Variants in PLCB2 observed in about 807,000 individuals in gnomAD.
PLCB2 encodes the protein phospholipase C beta 2.
Under a neutral mutation model 141.7 loss-of-function variants are expected in PLCB2, and 115 were observed. The ratio of observed to expected loss-of-function variants is 0.81; its 90% CI spans 0.70 to 0.95. The LOEUF (loss-of-function observed/expected upper bound fraction) is 0.95, where lower values mean the gene tolerates loss of function less well. PLCB2 is among the 40% of genes least tolerant of loss of function. The probability of loss-of-function intolerance (pLI) is 0.00; values close to 1 mark genes in which losing one functional copy is unlikely to be tolerated. For synonymous variants in PLCB2, 603 were observed against 595.6 expected, an observed-to-expected ratio of 1.01 and a Z score of -0.18; for missense variants, 1,403 against 1,541.1, an observed-to-expected ratio of 0.91 and a Z score of 1.50.
Position 40,291,652 on chromosome 15 carries a change from T to G in PLCB2, c.2603-2A>C, listed in dbSNP as rs2039936987. ...CTTCCCTGGCCCCGGCCCTGGCTGCTGCAAGAGCCACGGGCTGGGCTGTCA... is the reference window on the plus strand; with the variant it reads ...CTTCCCTGGCCCCGGCCCTGGCTGCGGCAAGAGCCACGGGCTGGGCTGTCA... On this transcript the variant is annotated splice_acceptor_variant, in intron 24 of 31. Coordinates refer to ENST00000260402, the MANE Select transcript of PLCB2 (RefSeq NM_004573.3). LOFTEE classifies it high-confidence loss of function. 2.5e-6 allele frequency: 4 copies of G among 1,612,990 alleles called. No individual in the cohort carries two copies. The African/African-American group carries it at 5.3e-5, about 21-fold the overall frequency.
In PLCB2 at chr15:40,289,185, T is replaced by G; in HGVS notation, c.3354+87A>C. 2.4e-6 allele frequency: 3 copies of G among 1,233,136 alleles called. No individual in the cohort carries two copies. The South Asian group carries it at 3.7e-5, about 15-fold the overall frequency. 76.4% of individuals were successfully genotyped at this position (1,233,136 alleles called of 1,614,324 possible). A position where few individuals can be genotyped will look rare whatever the true frequency, so the allele number is the denominator to read the frequency against. The stretch of plus-strand genomic sequence containing the variant: ...GGATGATGGCCCCCTTCCCCTACCC[T>G]CTCACTGGCAGCTCCCTGGGGCAAG... On this transcript the variant is annotated intron_variant, in intron 31 of 31. Coordinates refer to ENST00000260402, the MANE Select transcript of PLCB2 (RefSeq NM_004573.3).
At position 40,288,445 on chromosome 15, in the gene PLCB2, A is replaced by G; in HGVS notation, c.*270T>C. ...TCCAGTCCATAGTCTTTTGCCCTCA[A>G]CAAATATATGACACTTATCTAGAGA... On this transcript the variant is annotated 3_prime_UTR_variant, in exon 32 of 32. Coordinates refer to ENST00000260402, the MANE Select transcript of PLCB2 (RefSeq NM_004573.3). The G allele has an allele frequency of 8.3e-7, 1 of 1,210,276 alleles. No individual in the cohort carries two copies. The highest frequency in any genetic ancestry group is 1.0e-6 in the Non-Finnish European group (1 of 971,968). 75.0% of individuals were successfully genotyped at this position (1,210,276 alleles called of 1,614,324 possible). A position where few individuals can be genotyped will look rare whatever the true frequency, so the allele number is the denominator to read the frequency against.
chr15:40,296,475 T>G, intron 15 of PLCB2, 47 bp downstream of exon 15: 1 of 1,613,558 alleles, frequency 6.2e-7, no homozygotes, highest in Non-Finnish European at 8.5e-7. Flanking sequence ...CCAGGGGGCT[T>G]AACGGTGGAG....
chr15:40,294,759 G>A (rs763623528), intron 18 of PLCB2, among the ~76,000 whole-genome samples, 177 bp downstream of exon 18: 9 of 152,166 alleles, frequency 5.9e-5, no homozygotes, highest in African/African-American at 1.2e-4. Context: ...GTATGCGCAG[G>A]CACATGGGCA....
chr15:40,293,602 G>A lies in PLCB2; in HGVS notation c.2184C>T (p.Ser728=). The change falls in exon 20 of 32, where the codon TCC becomes TCT. Residue 728 remains serine, a synonymous_variant. Coordinates refer to ENST00000260402, the MANE Select transcript of PLCB2 (RefSeq NM_004573.3). The part of the protein sequence containing the change: ...YRTKLSPSTN[S]INPVWKEEPF... ...GCTCCTCCTTCCAGACAGGATTGAT[G>A]GAGTTAGTACTGGGTGACAGCTTAG... The A allele has an allele frequency of 5.0e-6, 8 of 1,614,122 alleles. No homozygotes were observed. Among genetic ancestry groups the A allele is most frequent in the Non-Finnish European group, 6.8e-6 (8 of 1,179,990 alleles).
At chr15:40,294,167 A>T in intron 19 of PLCB2, 99 bp downstream of exon 19, 1 of 1,213,262 alleles carries the variant, frequency 8.2e-7, no homozygotes, top group Admixed American at 1.8e-5. Context: ...TTTCCAGGAT[A>T]TCAGGGGAGG....
rs1295710069 is a variant in PLCB2, at chr15:40,299,184, C to G, written c.627G>C (p.Lys209Asn). The G allele has an allele frequency of 1.2e-6, 2 of 1,614,028 alleles. No homozygotes were observed. Among genetic ancestry groups the G allele is most frequent in the Non-Finnish European group, 1.7e-6 (2 of 1,179,868 alleles). Reference sequence around the variant, plus strand: ...GAGGACAGAGGCTCATGAGGAAACTCTTGTAGACAGGTTCTGGGAAGTCCT... The same window carrying G: ...GAGGACAGAGGCTCATGAGGAAACTGTTGTAGACAGGTTCTGGGAAGTCCT... ...NPEDFPEPVY[K>N]SFLMSLCPRP... is the part of the protein sequence containing the mutation. Residue 209 changes from lysine to asparagine, a missense_variant, in exon 8 of 32, where the codon AAG becomes AAC. Physicochemically the swap from Lys to Asn is moderately conservative, Grantham distance 94 (BLOSUM62 0). Transcript: ENST00000260402.
At chr15:40,292,295 G>A in intron 22 of PLCB2, 44 bp downstream of exon 22, 1 of 1,532,070 alleles carries the variant, frequency 6.5e-7, no homozygotes. Context: ...GGAAGGAAGG[G>A]GGAACAGACA....
chr15:40,287,486 C>T (rs2141014671), downstream of PLCB2, among the ~76,000 whole-genome samples: 1 of 152,308 alleles, frequency 6.6e-6, no homozygotes, highest in Admixed American at 6.5e-5. Flanking sequence ...CAAGCCCCTC[C>T]ACAGCAAGTT....
chr15:40,306,592 G>A (rs1015870890), intron 1 of PLCB2, among the ~76,000 whole-genome samples: 3 of 152,112 alleles, frequency 2.0e-5, no homozygotes, highest in African/African-American at 4.8e-5. Flanking sequence ...AGGGAAGCAG[G>A]AAGCATCTCA....
intron 3 of PLCB2, among the ~76,000 whole-genome samples, chr15:40,302,909 A>G (rs2040593872): frequency 6.6e-6 from 1 of 152,228 alleles, no homozygotes; most frequent in Non-Finnish European, 1.5e-5. Context: ...TCCCAGTCTC[A>G]GGAAACCCCG....
chr15:40,290,502 G>T, intron 29 of PLCB2, 75 bp downstream of exon 29: 17 of 1,036,168 alleles, frequency 1.6e-5, no homozygotes, highest in Non-Finnish European at 2.6e-5. Context: ...AGTGAGTCAG[G>T]ATCCATTTGT....
At chr15:40,306,656 G>A (rs2040812417) in intron 1 of PLCB2, among the ~76,000 whole-genome samples, 1 of 152,114 alleles carries the variant, frequency 6.6e-6, no homozygotes, top group Non-Finnish European at 1.5e-5. Flanking sequence ...GCCTAGCCCA[G>A]CCCCGAAGGG....
rs267604176 is a variant in PLCB2 at position 40,297,556 on chromosome 15, C to T, written c.1288G>A (p.Asp430Asn). ...MAEYCRTIFG[D>N]MLLTEPLEKF... is the part of the protein sequence containing the mutation. ...TCCAGGGGCTCTGTGAGCAGCATATCCCCAAAGATCGTCCGGCAATACTCA... is the reference window on the plus strand; with the variant it reads ...TCCAGGGGCTCTGTGAGCAGCATATTCCCAAAGATCGTCCGGCAATACTCA... The change falls in exon 13 of 32, where the codon GAT becomes AAT. Residue 430 changes from aspartate to asparagine, a missense_variant. Physicochemically the swap from Asp to Asn is conservative, Grantham distance 23. This residue lies in a region of PLCB2 where 975 missense variants were observed against 1,141.1 expected (regional missense o/e 0.85). Transcript: ENST00000260402. The surrounding 1 kb of genome is among the most constrained non-coding windows in gnomAD (Gnocchi z 4.2). The T allele has an allele frequency of 8.1e-6, 13 of 1,614,148 alleles. No individual in the cohort carries two copies. In the Admixed American group the frequency reaches 1.8e-4, roughly 23 times the overall value.
In PLCB2 at chr15:40,291,054, C is replaced by A. The variant is rs1430753013; in HGVS notation, c.3000G>T (p.Glu1000Asp). 1.3e-6 allele frequency: 2 copies of A among 1,593,156 alleles called. No homozygotes were observed. Among genetic ancestry groups the A allele is most frequent in the Non-Finnish European group, 1.7e-6 (2 of 1,177,370 alleles). Residue 1000 changes from glutamate (E) to aspartate (D), a missense_variant, in exon 27 of 32, where the codon GAG becomes GAT. This residue lies in a region of PLCB2 where 290 missense variants were observed against 245.9 expected (regional missense o/e 1.18). Coordinates refer to ENST00000260402, the MANE Select transcript of PLCB2 (RefSeq NM_004573.3). ...ELLRQGEEQY[E>D]CVLKRKEQHV... ...GCTGCTCCTTGCGCTTCAGAACGCA[C>A]TCGTACTGCTCCTCGCCCTGCCGCA... is the stretch of plus-strand genomic sequence containing the variant.
chr15:40,291,735 C>T (rs1268611616), intron 24 of PLCB2, 85 bp from the exon 25 acceptor site: 3 of 1,602,306 alleles, frequency 1.9e-6, no homozygotes, highest in South Asian at 1.1e-5. Context: ...CCCTGGGAGT[C>T]GCAGTATGTG....
rs2040769621 is a variant in PLCB2, at chr15:40,305,876, G to C, written c.84+1713C>G. Among the ~76,000 whole-genome samples, 3 of 152,208 alleles carry C rather than the reference G, an allele frequency of 2.0e-5. No homozygotes were observed. In the South Asian group the frequency reaches 6.2e-4, roughly 32 times the overall value. On this transcript the variant is annotated intron_variant, in intron 1 of 31. Transcript: ENST00000260402. ...CAGGACCAGCAGGGAATCCCACCAA[G>C]GCCCTTTCCAGGGGGCCTGCAGCCT...
intron 17 of PLCB2, 49 bp from the exon 18 acceptor site, chr15:40,295,109 C>A: frequency 1.2e-6 from 2 of 1,610,322 alleles, no homozygotes; most frequent in Non-Finnish European, 1.7e-6. Flanking sequence ...ACCAGGAGAA[C>A]CTAACAGCTT....
At chr15:40,289,775 C>T (rs747820222) in intron 30 of PLCB2, among the ~76,000 whole-genome samples, 2 of 152,110 alleles carry the variant, frequency 1.3e-5, no homozygotes, top group Non-Finnish European at 2.9e-5. Context: ...GAGAACTGGC[C>T]AGAGACAGAT....
Sources: gnomAD v4.1 joint callset for allele counts (sites outside exome capture counted in the v4.1 genomes callset) on GRCh38, gnomAD v4.1.1 for gene constraint, gnomAD v4.1.1 regional missense constraint, Gnocchi (gnomAD v3.1) non-coding constraint, MANE v1.5 for transcripts, NCBI Gene and HGNC (gene_info 2026-07-23, HGNC 2026-07-21) for gene names.